PDCD10: variants seen among roughly 807,000 people sequenced by gnomAD.
PDCD10 encodes the protein programmed cell death 10.
Under a neutral mutation model 29.2 loss-of-function variants are expected in PDCD10, and 4 were observed. The observed-to-expected ratio is 0.14, with a 90% CI of 0.07 to 0.31. The LOEUF is 0.31. PDCD10 is among the 10% of genes least tolerant of loss of function. The pLI is 1.00. For synonymous variants in PDCD10, 70 were observed against 82.2 expected, an observed-to-expected ratio of 0.85 and a Z score of 0.80; for missense variants, 183 against 257.9, an observed-to-expected ratio of 0.71 and a Z score of 1.99.
chr3:167,731,819 T>C (rs904299602), intron 2 of PDCD10, among the ~76,000 whole-genome samples: 21 of 152,174 alleles, frequency 1.4e-4, no homozygotes, highest in African/African-American at 4.8e-4. Flanking sequence ...AAACCTATTC[T>C]GATTTTGGGA....
chr3:167,700,186 T>A (rs1174915788), intron 4 of PDCD10, among the ~76,000 whole-genome samples: 1 of 152,164 alleles, frequency 6.6e-6, no homozygotes, highest in Non-Finnish European at 1.5e-5. Context: ...GCTATTGCAG[T>A]CAGTTCAAGT....
intron 2 of PDCD10, among the ~76,000 whole-genome samples, chr3:167,722,278 G>C (rs1268888492): frequency 4.5e-4 from 69 of 152,058 alleles, no homozygotes; most frequent in Non-Finnish European, 1.8e-4. Flanking sequence ...ATATTTCAAT[G>C]GTCACAAAGA....
At chr3:167,723,378 G>C (rs1021847033) in intron 2 of PDCD10, among the ~76,000 whole-genome samples, 2 of 152,054 alleles carry the variant, frequency 1.3e-5, no homozygotes, top group African/African-American at 4.8e-5. Context: ...ACCAAGTCCC[G>C]GCAGCTGGGT....
At chr3:167,699,995 TAG>T (rs1721219191) in intron 4 of PDCD10, among the ~76,000 whole-genome samples, 1 of 152,172 alleles carries the variant, frequency 6.6e-6, no homozygotes, top group African/African-American at 2.4e-5. Context: ...TACTATAAAA[TAG>T]ATACAAATTA....
At chr3:167,710,090 G>A (rs1352239540) in intron 3 of PDCD10, among the ~76,000 whole-genome samples, 1 of 152,128 alleles carries the variant, frequency 6.6e-6, no homozygotes, top group African/African-American at 2.4e-5. Context: ...CGATACCCAG[G>A]TAGTACACTG....
intron 3 of PDCD10, among the ~76,000 whole-genome samples, chr3:167,713,804 G>A (rs1722754400): frequency 6.6e-6 from 1 of 151,876 alleles, no homozygotes; most frequent in South Asian, 2.1e-4. Flanking sequence ...AAATCTAGAG[G>A]AAATGGATAA....
Position 167,725,774 on chromosome 3 carries a change from T to TG in PDCD10, c.-116-5502_-116-5501insC, listed in dbSNP as rs1292148647. 1.1e-3 allele frequency among the ~76,000 whole-genome samples: 37 copies of TG among 34,652 alleles called. 2 individuals carry two copies. Among genetic ancestry groups the TG allele is most frequent in the Non-Finnish European group, 1.5e-3 (27 of 17,552 alleles). The allele number at this position is 34,652 out of a possible 152,430, so 22.7% of individuals were successfully genotyped here. On this transcript the variant is annotated intron_variant, in intron 2 of 8. Transcript: ENST00000392750. ...TACCATTGTATCGTTTATATATATA[T>TG]ATATATATATATATATATATATATA...
At chr3:167,688,819 A>G (rs190309352) in intron 6 of PDCD10, among the ~76,000 whole-genome samples, 7 of 152,320 alleles carry the variant, frequency 4.6e-5, no homozygotes, top group Admixed American at 4.6e-4. Flanking sequence ...GTTATTTCCT[A>G]TCTAAAACAT....
chr3:167,733,457 ATGAAT>A (rs1264940923), intron 2 of PDCD10, among the ~76,000 whole-genome samples: 2 of 152,196 alleles, frequency 1.3e-5, no homozygotes, highest in African/African-American at 4.8e-5. Context: ...TAAAGTAAGA[ATGAAT>A]TGAAAGTCAC....
chr3:167,691,435 A>T (rs1163363474), intron 6 of PDCD10, among the ~76,000 whole-genome samples: 1 of 152,196 alleles, frequency 6.6e-6, no homozygotes, highest in East Asian at 1.9e-4. Context: ...CATAAAGAAA[A>T]CAACACCCTA....
intron 8 of PDCD10, among the ~76,000 whole-genome samples, chr3:167,684,717 T>C (rs903847729): frequency 2.0e-5 from 3 of 152,094 alleles, no homozygotes; most frequent in South Asian, 2.1e-4. Context: ...TGTGGTTTCA[T>C]AGAAGTTAAC....
At chr3:167,707,609 C>A (rs1157577663) in intron 3 of PDCD10, among the ~76,000 whole-genome samples, 1 of 150,836 alleles carries the variant, frequency 6.6e-6, no homozygotes, top group Non-Finnish European at 1.5e-5. Flanking sequence ...ACCTGGGAGG[C>A]AGAGCTTGCA....
At position 167,684,070 on chromosome 3, in the gene PDCD10, G is replaced by C; in HGVS notation, c.*238C>G. ...GACACATTAAGGCGTAAATTCTTTT[G>C]GCTTATAATTCTTAAAAGAATGATA... On this transcript the variant is annotated 3_prime_UTR_variant, in exon 9 of 9. Transcript: ENST00000392750. The C allele has an allele frequency of 2.5e-6, 1 of 406,360 alleles. No homozygotes were observed. Among genetic ancestry groups the C allele is most frequent in the Non-Finnish European group, 4.6e-6 (1 of 219,140 alleles). 25.2% of individuals were successfully genotyped at this position (406,360 alleles called of 1,614,324 possible).
intron 3 of PDCD10, among the ~76,000 whole-genome samples, chr3:167,712,208 AC>A (rs1421657412): frequency 6.6e-6 from 1 of 152,164 alleles, no homozygotes; most frequent in Non-Finnish European, 1.5e-5. Context: ...ACTTTTCAAG[AC>A]AAACCGTACA....
intron 8 of PDCD10, among the ~76,000 whole-genome samples, chr3:167,685,254 A>C (rs556137269): frequency 2.6e-5 from 4 of 152,076 alleles, no homozygotes; most frequent in African/African-American, 9.6e-5. Context: ...CTCTACTAAA[A>C]ATACAAAAAT....
At chr3:167,732,127 T>C (rs932547670) in intron 2 of PDCD10, among the ~76,000 whole-genome samples, 13 of 152,232 alleles carry the variant, frequency 8.5e-5, no homozygotes, top group Admixed American at 8.5e-4. Context: ...TCTTCTCATG[T>C]AAATAATCTA....
At chr3:167,687,977 C>T (rs1265314305) in intron 6 of PDCD10, among the ~76,000 whole-genome samples, 1 of 152,182 alleles carries the variant, frequency 6.6e-6, no homozygotes, top group African/African-American at 2.4e-5. Flanking sequence ...TTTCATTAAG[C>T]GTTCCTTACT....
intron 2 of PDCD10, among the ~76,000 whole-genome samples, chr3:167,720,492 C>A (rs1723457832): frequency 6.6e-6 from 1 of 152,078 alleles, no homozygotes; most frequent in East Asian, 1.9e-4. Flanking sequence ...GGTACTACTT[C>A]ACAAAGCAGT....
intron 2 of PDCD10, among the ~76,000 whole-genome samples, chr3:167,729,552 T>C (rs1724572285): frequency 1.3e-5 from 2 of 152,202 alleles, no homozygotes; most frequent in Non-Finnish European, 2.9e-5. Flanking sequence ...CTCTGTACTT[T>C]AGTTTCCTCA....
Sources: allele counts gnomAD v4.1 joint callset (sites outside exome capture counted in the v4.1 genomes callset), GRCh38; gene constraint gnomAD v4.1.1; transcripts MANE v1.5; gene names NCBI Gene and HGNC (gene_info 2026-07-23, HGNC 2026-07-21).